Variants in AXIN1 observed in about 807,000 individuals in gnomAD.
AXIN1 encodes the protein axin 1, also known as axin-1.
In AXIN1, 30 loss-of-function variants were observed where a neutral mutation model predicts 76.4. That is an observed-to-expected ratio of 0.39 (90% CI 0.29 to 0.53). AXIN1 has a LOEUF of 0.53. Among genes scored for constraint, AXIN1 ranks in the 20% least tolerant of loss-of-function variants. AXIN1 has a pLI of 0.66. For missense variants in AXIN1, 1,140 were observed against 1,198.8 expected (o/e 0.95, Z 0.72); for synonymous variants, 545 against 501.4 (o/e 1.09, Z -1.16).
At chr16:341,069 C>T (rs2053908459) in intron 2 of AXIN1, among the ~76,000 whole-genome samples, 1 of 152,274 alleles carries the variant, frequency 6.6e-6, no homozygotes, top group African/African-American at 2.4e-5. Context: ...TTCCTCCACG[C>T]AAATTCCACC....
At position 299,384 on chromosome 16, in the gene AXIN1, G is replaced by A. The variant is rs142775501; in HGVS notation, c.1255-1133C>T. The stretch of plus-strand genomic sequence containing the variant: ...TATTTATTTATTTAGAGTCAGAGTC[G>A]CTCTGTCAGCCAGGCTGGAGTGCAG... On this transcript the variant is annotated intron_variant, in intron 5 of 10. Coordinates refer to ENST00000262320, the MANE Select transcript of AXIN1 (RefSeq NM_003502.4). Among the ~76,000 whole-genome samples, 19 of 152,298 alleles carry A rather than the reference G, an allele frequency of 1.2e-4. No individual in the cohort carries two copies. In the East Asian group the frequency reaches 2.5e-3, roughly 20 times the overall value.
At position 287,902 on chromosome 16, in the gene AXIN1, T is replaced by G. The variant is rs1237729131; in HGVS notation, c.*220A>C. On this transcript the variant is annotated 3_prime_UTR_variant, in exon 11 of 11. Transcript: ENST00000262320. ...GGGCTGGGCCCTCCAAGTATTGCTA[T>G]GAGGAGTGGTCCAGGCTGCCTCCTT... 2 of 687,622 alleles carry G rather than the reference T, an allele frequency of 2.9e-6. No individual in the cohort carries two copies. Among genetic ancestry groups the G allele is most frequent in the Non-Finnish European group, 5.0e-6 (2 of 401,798 alleles). 42.6% of individuals were successfully genotyped at this position (687,622 alleles called of 1,614,324 possible). A position where few individuals can be genotyped will look rare whatever the true frequency, so the allele number is the denominator to read the frequency against.
chr16:327,723 G>T (rs1483081000), intron 2 of AXIN1, among the ~76,000 whole-genome samples: 1 of 152,240 alleles, frequency 6.6e-6, no homozygotes, highest in Non-Finnish European at 1.5e-5. Flanking sequence ...ACCACAGGCA[G>T]TCTGCCAATT....
intron 5 of AXIN1, chr16:299,020 G>A: frequency 3.2e-6 from 3 of 937,338 alleles, no homozygotes; most frequent in South Asian, 9.8e-5. Context: ...ACCCACCTCG[G>A]CCTCCCAAAG....
chr16:291,487 G>A lies in AXIN1; in HGVS notation c.2187-190C>T, dbSNP rs1233212321. The A allele has an allele frequency of 3.0e-5, 19 of 637,668 alleles. No individual in the cohort carries two copies. The Admixed American group carries it at 3.1e-4, about 10-fold the overall frequency. The allele number at this position is 637,668 out of a possible 1,614,324, so 39.5% of individuals were successfully genotyped here. A position where few individuals can be genotyped will look rare whatever the true frequency, so the allele number is the denominator to read the frequency against. Reference sequence around the variant, plus strand: ...TCCTAGGCCTGCCTTGGTGGTACCCGATACTGCAGCGCGCCCCACATTCAT... The same window carrying A: ...TCCTAGGCCTGCCTTGGTGGTACCCAATACTGCAGCGCGCCCCACATTCAT... On this transcript the variant is annotated intron_variant, in intron 8 of 10. Transcript: ENST00000262320.
rs542911459 is a variant in AXIN1, at chr16:345,062, T to C, written c.878+1086A>G. ...CTCTAGGGAAAGAGTGGGAAATGCA[T>C]GCGCTCTGCTCACAAGCACAGTAGA... On this transcript the variant is annotated intron_variant, in intron 2 of 10. Coordinates refer to ENST00000262320, the MANE Select transcript of AXIN1 (RefSeq NM_003502.4). Among the ~76,000 whole-genome samples the C allele has an allele frequency of 2.0e-3, 296 of 151,002 alleles. 2 individuals carry two copies. The highest frequency in any genetic ancestry group is 2.9e-3 in the Non-Finnish European group (193 of 67,676).
At chr16:314,712 T>TGACAGCCTGCC in intron 2 of AXIN1, 29 bp from the exon 3 acceptor site, 2 of 1,612,354 alleles carry the variant, frequency 1.2e-6, no homozygotes, top group Non-Finnish European at 1.7e-6. Flanking sequence ...GGCATGTTAG[T>TGACAGCCTGCC]GACAGCCTGC....
At chr16:290,853 C>T (rs764274845) in intron 9 of AXIN1, 24 of 427,778 alleles carry the variant, frequency 5.6e-5, no homozygotes, top group East Asian at 2.4e-4. Context: ...GGGACCGGCC[C>T]GTTCCAAGCC....
chr16:347,016 G>C lies in AXIN1; in HGVS notation c.10C>G (p.Gln4Glu). The C allele has an allele frequency of 6.2e-7, 1 of 1,614,104 alleles. No individual in the cohort carries two copies. Among genetic ancestry groups the C allele is most frequent in the Non-Finnish European group, 8.5e-7 (1 of 1,180,030 alleles). Residue 4 changes from glutamine (Q) to glutamate (E), a missense_variant, in exon 2 of 11, where the codon CAA becomes GAA. Transcript: ENST00000262320. MNIQEQGFPLDLGA... is the reference protein window; with the variant it reads MNIEEQGFPLDLGA... ...AGGTCCAAGGGGAAACCCTGCTCTT[G>C]GATATTCATTTTGGGACTCTGCGTC...
In AXIN1 at chr16:289,433, C is replaced by T. The variant is rs767860123; in HGVS notation, c.2462+7G>A. 3 of 1,612,830 alleles carry T rather than the reference C, an allele frequency of 1.9e-6. No individual in the cohort carries two copies. The South Asian group carries it at 3.3e-5, about 18-fold the overall frequency. On this transcript the variant is annotated splice_region_variant and intron_variant, in intron 10 of 10. Transcript: ENST00000262320. ...CGGGGAGGGGGCACCCCAGCCCTCACACTCACCTGTAGCTGCCCTTTTTGG... is the reference window on the plus strand; with the variant it reads ...CGGGGAGGGGGCACCCCAGCCCTCATACTCACCTGTAGCTGCCCTTTTTGG...
At chr16:318,951 C>T (rs1440487841) in intron 2 of AXIN1, among the ~76,000 whole-genome samples, 1 of 150,998 alleles carries the variant, frequency 6.6e-6, no homozygotes, top group East Asian at 1.9e-4. Flanking sequence ...GGAGAGAATG[C>T]GGCCGGGGCC....
At chr16:289,377 T>C (rs2052486601) in intron 10 of AXIN1, 63 bp downstream of exon 10, 9 of 1,601,018 alleles carry the variant, frequency 5.6e-6, no homozygotes, top group Non-Finnish European at 7.7e-6. Flanking sequence ...AAACCCTCTT[T>C]TTCATACCGT....
chr16:289,024 A>C (rs1444373267), intron 10 of AXIN1, among the ~76,000 whole-genome samples: 2 of 151,816 alleles, frequency 1.3e-5, no homozygotes, highest in East Asian at 3.9e-4. Context: ...GGCTTGGAGA[A>C]GTGGCTTTAG....
intron 5 of AXIN1, among the ~76,000 whole-genome samples, chr16:301,695 G>A (rs2052877861): frequency 1.3e-5 from 2 of 152,082 alleles, no homozygotes; most frequent in South Asian, 2.1e-4. Flanking sequence ...CACACCCTGC[G>A]AACGGGTGAA....
chr16:325,295 G>C (rs2053557317), intron 2 of AXIN1, among the ~76,000 whole-genome samples: 1 of 131,728 alleles, frequency 7.6e-6, no homozygotes, highest in Non-Finnish European at 1.6e-5. Context: ...CTCATGGGGA[G>C]CTAGTGCCCC....
chr16:304,385 C>A lies in AXIN1; in HGVS notation c.1173G>T (p.Glu391Asp), dbSNP rs2141546404. 6.2e-7 allele frequency: 1 copy of A among 1,612,742 alleles called. No homozygotes were observed. The highest frequency in any genetic ancestry group is 8.5e-7 in the Non-Finnish European group (1 of 1,179,938). The change falls in exon 5 of 11, where the codon GAG becomes GAT. Residue 391 changes from glutamate (E) to aspartate (D), a missense_variant. Glu to Asp is a conservative substitution (Grantham distance 45, BLOSUM62 2). Around this residue, in one of 3 missense-constraint regions of AXIN1, gnomAD observed 708 missense variants for 776.9 expected, o/e 0.91. Coordinates refer to ENST00000262320, the MANE Select transcript of AXIN1 (RefSeq NM_003502.4). Reference protein sequence around the residue: ...VRVEPQKFAEELIHRLEAVQR... With the variant: ...VRVEPQKFAEDLIHRLEAVQR... The stretch of plus-strand genomic sequence containing the variant: ...GCACAGCCTCCAGGCGGTGGATGAG[C>A]TCCTCCGCGAACTTCTGAGGCTCCA...
At chr16:299,123 T>C (rs2052798853) in intron 5 of AXIN1, 2 of 985,332 alleles carry the variant, frequency 2.0e-6, no homozygotes, top group South Asian at 4.7e-5. Context: ...TATGTACATG[T>C]TGTGATGCTG....
rs1165212975 is a variant in AXIN1, at chr16:288,064, C to CGT, written c.*56_*57dup. ...CTGAGTACGAGGTCATCTGCCTGGC[C>CGT]GTGACACCCGTGCCCGCCAAGGGCC... On this transcript the variant is annotated 3_prime_UTR_variant, in exon 11 of 11. Coordinates refer to ENST00000262320, the MANE Select transcript of AXIN1 (RefSeq NM_003502.4). 1.2e-6 allele frequency: 2 copies of CGT among 1,611,066 alleles called. No individual in the cohort carries two copies. The highest frequency in any genetic ancestry group is 2.2e-5 in the East Asian group (1 of 44,894).
intron 1 of AXIN1, among the ~76,000 whole-genome samples, chr16:352,069 C>T (rs1396947987): frequency 6.6e-6 from 1 of 152,058 alleles, no homozygotes; most frequent in Admixed American, 6.5e-5. Flanking sequence ...TCCGGGACAG[C>T]CGGACTCCCG....
Sources: allele counts gnomAD v4.1 joint callset (sites outside exome capture counted in the v4.1 genomes callset), GRCh38; gene constraint gnomAD v4.1.1; regional missense constraint gnomAD v4.1.1; transcripts MANE v1.5; gene names NCBI Gene and HGNC (gene_info 2026-07-23, HGNC 2026-07-21).